CYRIB: variants seen among roughly 807,000 people sequenced by gnomAD.
CYRIB encodes CYFIP-related Rac1 interactor B.
CYRIB carries 8 observed loss-of-function variants against 44.2 expected under a neutral mutation model. That is an observed-to-expected ratio of 0.18 (90% CI 0.11 to 0.33). CYRIB has a LOEUF of 0.33. Ranked by LOEUF, CYRIB falls within the 10% of genes least tolerant of loss-of-function variation. The pLI, the probability that CYRIB is intolerant of heterozygous loss-of-function variation, is 1.00. For missense variants in CYRIB, 185 were observed against 382.8 expected, an observed-to-expected ratio of 0.48 and a Z score of 4.31; for synonymous variants, 131 against 127.2, an observed-to-expected ratio of 1.03 and a Z score of -0.20.
At chr8:130,006,198 G>A (rs981448571) in intron 1 of CYRIB, among the ~76,000 whole-genome samples, 6 of 151,996 alleles carry the variant, frequency 3.9e-5, no homozygotes, top group African/African-American at 1.2e-4. Flanking sequence ...AGCTACTCAG[G>A]AGGCTGAGGT....
intron 1 of CYRIB, among the ~76,000 whole-genome samples, chr8:130,006,236 G>C (rs1330015070): frequency 6.6e-6 from 1 of 152,014 alleles, no homozygotes; most frequent in African/African-American, 2.4e-5. Context: ...CCAGGAAGCG[G>C]AGGTTGCAGT....
chr8:129,929,103 T>C (rs565776032), intron 1 of CYRIB, among the ~76,000 whole-genome samples: 5 of 152,154 alleles, frequency 3.3e-5, no homozygotes, highest in East Asian at 1.9e-4. Context: ...TACTCAACAA[T>C]AGAAAGGAAC....
chr8:129,852,937 T>C (rs1423592484), intron 7 of CYRIB, among the ~76,000 whole-genome samples: 5 of 152,204 alleles, frequency 3.3e-5, no homozygotes, highest in Admixed American at 2.0e-4. Flanking sequence ...GAATGACAAC[T>C]AAGTCAGTTT....
Position 129,908,892 on chromosome 8 carries a change from G to A in CYRIB, c.-49-5542C>T, listed in dbSNP as rs117312533. On this transcript the variant is annotated intron_variant, in intron 1 of 11. Transcript: ENST00000519824. Reference sequence around the variant, plus strand: ...TGATACATATAAATCTTAATACTGCGCAAATATTAATACTAAATATTAATA... The same window carrying A: ...TGATACATATAAATCTTAATACTGCACAAATATTAATACTAAATATTAATA... 4.8e-3 allele frequency among the ~76,000 whole-genome samples: 732 copies of A among 152,012 alleles called. 3 individuals carry two copies. The highest frequency in any genetic ancestry group is 0.01 in the East Asian group (53 of 5,182).
intron 7 of CYRIB, among the ~76,000 whole-genome samples, chr8:129,852,560 T>A (rs1326644913): frequency 6.6e-6 from 1 of 152,172 alleles, no homozygotes; most frequent in African/African-American, 2.4e-5. Context: ...AAAATGATTA[T>A]AAAATTGTAC....
chr8:129,873,556 CAT>C (rs760920664), intron 3 of CYRIB, among the ~76,000 whole-genome samples: 2 of 151,922 alleles, frequency 1.3e-5, no homozygotes, highest in Non-Finnish European at 2.9e-5. Flanking sequence ...AAACTACAGA[CAT>C]AACATCAATA....
chr8:129,987,067 T>G (rs2096482629), intron 1 of CYRIB, among the ~76,000 whole-genome samples: 1 of 152,048 alleles, frequency 6.6e-6, no homozygotes, highest in South Asian at 2.1e-4. Flanking sequence ...AGGGGTACCT[T>G]CCCCCTACCC....
At chr8:129,934,509 G>C (rs1466032334) in intron 1 of CYRIB, among the ~76,000 whole-genome samples, 1 of 152,088 alleles carries the variant, frequency 6.6e-6, no homozygotes, top group African/African-American at 2.4e-5. Context: ...TCTCACTAAT[G>C]CAGGCCTCCA....
chr8:129,904,836 C>T (rs192535208), intron 1 of CYRIB, among the ~76,000 whole-genome samples: 1 of 152,316 alleles, frequency 6.6e-6, no homozygotes, highest in African/African-American at 2.4e-5. Context: ...ACTACTACTT[C>T]ATATTGAAGA....
intron 1 of CYRIB, among the ~76,000 whole-genome samples, chr8:130,003,710 G>C (rs572237586): frequency 6.6e-6 from 1 of 152,210 alleles, no homozygotes; most frequent in Non-Finnish European, 1.5e-5. Context: ...AGGTGTCCAA[G>C]GTGTTGGGAC....
chr8:129,968,452 T>C (rs767881831), intron 2 of CYRIB, among the ~76,000 whole-genome samples: 1 of 152,228 alleles, frequency 6.6e-6, no homozygotes, highest in Non-Finnish European at 1.5e-5. Context: ...CTTAATCATT[T>C]TAAATATACC....
chr8:129,984,188 CCT>C (rs962860808), intron 1 of CYRIB, among the ~76,000 whole-genome samples: 2 of 152,226 alleles, frequency 1.3e-5, no homozygotes, highest in Non-Finnish European at 2.9e-5. Context: ...CAGTCCCCTG[CCT>C]CTCTCTGGCT....
intron 1 of CYRIB, among the ~76,000 whole-genome samples, chr8:129,938,452 T>C (rs1405448756): frequency 1.3e-5 from 2 of 152,194 alleles, no homozygotes; most frequent in African/African-American, 4.8e-5. Flanking sequence ...CATACATTTT[T>C]CACATAGAGA....
intron 11 of CYRIB, among the ~76,000 whole-genome samples, chr8:129,846,465 T>C (rs2040090445): frequency 6.6e-6 from 1 of 152,220 alleles, no homozygotes; most frequent in African/African-American, 2.4e-5. Context: ...TTTATTTACA[T>C]TTTCTTATGT....
chr8:129,869,142 T>C (rs1205323750), intron 4 of CYRIB, among the ~76,000 whole-genome samples: 3 of 151,078 alleles, frequency 2.0e-5, no homozygotes, highest in African/African-American at 7.3e-5. Flanking sequence ...TCCCAGCACT[T>C]TGGGAGGCGG....
chr8:130,012,642 AAGAC>A (rs1376345556), intron 1 of CYRIB, among the ~76,000 whole-genome samples: 2 of 152,304 alleles, frequency 1.3e-5, no homozygotes, highest in Middle Eastern at 3.4e-3. Context: ...GATGAAGAGA[AAGAC>A]AAAGAGAAAG....
intron 1 of CYRIB, among the ~76,000 whole-genome samples, chr8:129,914,269 G>T (rs1008634972): frequency 6.6e-6 from 1 of 152,186 alleles, no homozygotes; most frequent in Admixed American, 6.5e-5. Flanking sequence ...AGTTACAAAA[G>T]AAAGAGTTGA....
chr8:129,858,556 CATCT>C (rs895137163), intron 5 of CYRIB, among the ~76,000 whole-genome samples: 3 of 152,290 alleles, frequency 2.0e-5, no homozygotes, highest in African/African-American at 7.2e-5. Context: ...CATCAACTGC[CATCT>C]ATCTACTCTC....
chr8:129,876,450 G>T (rs1257873501), intron 3 of CYRIB, among the ~76,000 whole-genome samples: 1 of 152,144 alleles, frequency 6.6e-6, no homozygotes. Flanking sequence ...TGTATGGGTT[G>T]TATCTTAGTT....
Sources: gnomAD v4.1 joint callset for allele counts (sites outside exome capture counted in the v4.1 genomes callset) on GRCh38, gnomAD v4.1.1 for gene constraint, MANE v1.5 for transcripts, NCBI Gene and HGNC (gene_info 2026-07-23, HGNC 2026-07-21) for gene names.